Variants in GPR63 observed in about 807,000 individuals in gnomAD.
GPR63 encodes the protein G protein-coupled receptor 63.
Under a neutral mutation model 23.1 loss-of-function variants are expected in GPR63, and 12 were observed. That is an observed-to-expected ratio of 0.52 (90% CI 0.33 to 0.84). GPR63 has a LOEUF of 0.84. GPR63 is among the 40% of genes least tolerant of loss of function. The pLI, the probability that GPR63 is intolerant of heterozygous loss-of-function variation, is 0.02. For synonymous variants in GPR63, 172 were observed against 191.1 expected (o/e 0.90, Z 0.82); for missense variants, 472 against 515.6 (o/e 0.92, Z 0.82).
At chr6:96,811,375 A>G (rs1248205516) in intron 1 of GPR63, among the ~76,000 whole-genome samples, 1 of 152,210 alleles carries the variant, frequency 6.6e-6, no homozygotes, top group African/African-American at 2.4e-5. Flanking sequence ...GGCGTTACTC[A>G]AGGGTGTCTG....
intron 1 of GPR63, among the ~76,000 whole-genome samples, chr6:96,829,582 C>G (rs970268949): frequency 6.6e-6 from 1 of 152,068 alleles, no homozygotes; most frequent in Non-Finnish European, 1.5e-5. Flanking sequence ...CACCTGTAGT[C>G]CCAGTTATTC....
Position 96,798,629 on chromosome 6 carries a change from G to C in GPR63, c.1103C>G (p.Pro368Arg), listed in dbSNP as rs780246056. The C allele has an allele frequency of 2.5e-6, 4 of 1,614,190 alleles. 1 individual carries two copies. Among genetic ancestry groups the C allele is most frequent in the Non-Finnish European group, 3.4e-6 (4 of 1,180,034 alleles). ...CTTAATCCTCCAGTAGTAGATCAGC[G>C]GATTCAATGCAGACTTGAGGTAGCA... ...WLCYLKSALN[P>R]LIYYWRIKKF... The change falls in exon 2 of 2, where the codon CCG (proline) becomes CGG (arginine). Residue 368 changes from proline (P) to arginine (R), a missense_variant. Coordinates refer to ENST00000229955, the MANE Select transcript of GPR63 (RefSeq NM_030784.4).
intron 1 of GPR63, among the ~76,000 whole-genome samples, chr6:96,832,808 A>G (rs1269089678): frequency 1.3e-5 from 2 of 151,960 alleles, no homozygotes; most frequent in Non-Finnish European, 2.9e-5. Context: ...AAAAAAACAG[A>G]TTTGAAACCT....
Position 96,798,366 on chromosome 6 carries a change from C to A in GPR63, c.*106G>T, listed in dbSNP as rs1323883124. The A allele has an allele frequency of 1.8e-6, 2 of 1,126,500 alleles. No individual in the cohort carries two copies. The highest frequency in any genetic ancestry group is 1.6e-5 in the South Asian group (1 of 62,776). 69.8% of individuals were successfully genotyped at this position (1,126,500 alleles called of 1,614,324 possible). ...TTTCTTTACACTGCTCACACACATA[C>A]ATACACAAACCCTATAAAAAAAAAT... On this transcript the variant is annotated 3_prime_UTR_variant, in exon 2 of 2. Transcript: ENST00000229955.
chr6:96,811,555 C>A (rs968772564), intron 1 of GPR63, among the ~76,000 whole-genome samples: 1 of 152,170 alleles, frequency 6.6e-6, no homozygotes, highest in Admixed American at 6.5e-5. Context: ...TCTTAGCCAA[C>A]AAGAATTTCA....
At position 96,799,098 on chromosome 6, in the gene GPR63, G is replaced by A; in HGVS notation, c.634C>T (p.Pro212Ser). 1 of 1,614,144 alleles carries A rather than the reference G, an allele frequency of 6.2e-7. No homozygotes were observed. Among genetic ancestry groups the A allele is most frequent in the East Asian group, 2.2e-5 (1 of 44,890 alleles). ...SWATSFCVAFPLAVGNPDLQI... is the reference protein window; with the variant it reads ...SWATSFCVAFSLAVGNPDLQI... Reference sequence around the variant, plus strand: ...AGGTCGGGGTTTCCTACGGCTAAAGGAAAAGCTACACAAAAGGAAGTTGCC... The same window carrying A: ...AGGTCGGGGTTTCCTACGGCTAAAGAAAAAGCTACACAAAAGGAAGTTGCC... The change falls in exon 2 of 2, where the codon CCT (proline) becomes TCT (serine). Residue 212 changes from proline to serine, a missense_variant. Pro to Ser is a moderately conservative substitution (Grantham distance 74). Transcript: ENST00000229955.
intron 1 of GPR63, among the ~76,000 whole-genome samples, chr6:96,801,446 G>A (rs1340568907): frequency 1.3e-5 from 2 of 152,098 alleles, no homozygotes; most frequent in East Asian, 1.9e-4. Context: ...TGATCCACCC[G>A]CCTCAGCTTC....
rs185129489 is a variant in GPR63, at chr6:96,799,077, C to G, written c.655G>C (p.Asp219His). ...GGAGCTCGGGAAGGTATCTGCAGGTCGGGGTTTCCTACGGCTAAAGGAAAA... is the reference window on the plus strand; with the variant it reads ...GGAGCTCGGGAAGGTATCTGCAGGTGGGGGTTTCCTACGGCTAAAGGAAAA... Reference protein sequence around the residue: ...VAFPLAVGNPDLQIPSRAPQC... With the variant: ...VAFPLAVGNPHLQIPSRAPQC... Residue 219 changes from aspartate (D) to histidine (H), a missense_variant, in exon 2 of 2, where the codon GAC becomes CAC. Coordinates refer to ENST00000229955, the MANE Select transcript of GPR63 (RefSeq NM_030784.4). The G allele has an allele frequency of 3.1e-6, 5 of 1,613,934 alleles. No individual in the cohort carries two copies. The highest frequency in any genetic ancestry group is 1.6e-4 in the Middle Eastern group (1 of 6,084).
intron 1 of GPR63, among the ~76,000 whole-genome samples, chr6:96,824,037 C>T (rs1169916766): frequency 7.1e-6 from 1 of 141,038 alleles, no homozygotes; most frequent in Non-Finnish European, 1.6e-5. Flanking sequence ...CTCTCTAAAT[C>T]TCATGCTCTA....
At chr6:96,805,897 A>T (rs951557784) in intron 1 of GPR63, among the ~76,000 whole-genome samples, 2 of 152,218 alleles carry the variant, frequency 1.3e-5, no homozygotes, top group African/African-American at 4.8e-5. Flanking sequence ...GATTTTGAAG[A>T]GTGCAGATGC....
intron 1 of GPR63, among the ~76,000 whole-genome samples, chr6:96,831,839 G>C (rs1424564397): frequency 6.6e-6 from 1 of 151,980 alleles, no homozygotes; most frequent in Non-Finnish European, 1.5e-5. Flanking sequence ...CCGGGAGGCG[G>C]AGGTTGCTGT....
At chr6:96,810,636 A>T (rs981401680) in intron 1 of GPR63, among the ~76,000 whole-genome samples, 2 of 152,238 alleles carry the variant, frequency 1.3e-5, no homozygotes, top group Non-Finnish European at 2.9e-5. Flanking sequence ...AAAAAAAGAA[A>T]AAATTAACAT....
chr6:96,831,785 A>T (rs1367774309), intron 1 of GPR63, among the ~76,000 whole-genome samples: 1 of 152,028 alleles, frequency 6.6e-6, no homozygotes. Context: ...CGGCACCAGT[A>T]ATCCCAGGTA....
rs1279300120 is a variant in GPR63 at position 96,794,756 on chromosome 6, A to G, written c.*3716T>C. On this transcript the variant is annotated 3_prime_UTR_variant, in exon 2 of 2. Coordinates refer to ENST00000229955, the MANE Select transcript of GPR63 (RefSeq NM_030784.4). The stretch of plus-strand genomic sequence containing the variant: ...TATAAGAAAATAAAATATGAGCATA[A>G]TTAGACTGCTGAAAGTCATGACTTT... The G allele has an allele frequency of 6.6e-6, 1 of 152,212 alleles. No homozygotes were observed. The highest frequency in any genetic ancestry group is 1.5e-5 in the Non-Finnish European group (1 of 68,036). 9.4% of individuals were successfully genotyped at this position (152,212 alleles called of 1,614,324 possible). A position where few individuals can be genotyped will look rare whatever the true frequency, so the allele number is the denominator to read the frequency against.
At chr6:96,834,673 G>A (rs946443204) in intron 1 of GPR63, among the ~76,000 whole-genome samples, 4 of 151,610 alleles carry the variant, frequency 2.6e-5, no homozygotes, top group African/African-American at 7.3e-5. Flanking sequence ...AAAAAAAACC[G>A]CCTAACAGAT....
chr6:96,800,105 C>T lies in GPR63; in HGVS notation c.-150-224G>A, dbSNP rs141234460. On this transcript the variant is annotated intron_variant, in intron 1 of 1. Coordinates refer to ENST00000229955, the MANE Select transcript of GPR63 (RefSeq NM_030784.4). ...GACATTCATATATAAAGCAAAAGTG[C>T]GAGGAATCTCAAAATGTGTTACTGC... Among the ~76,000 whole-genome samples the T allele has an allele frequency of 8.5e-5, 13 of 152,196 alleles. No individual in the cohort carries two copies. In the South Asian group the frequency reaches 1.0e-3, roughly 12 times the overall value.
At chr6:96,832,902 T>C (rs966265539) in intron 1 of GPR63, among the ~76,000 whole-genome samples, 3 of 152,134 alleles carry the variant, frequency 2.0e-5, no homozygotes. Context: ...TGCAAATTTA[T>C]CCAATTTATA....
chr6:96,833,166 A>G (rs1422175065), intron 1 of GPR63, among the ~76,000 whole-genome samples: 3 of 152,154 alleles, frequency 2.0e-5, no homozygotes, highest in Non-Finnish European at 4.4e-5. Context: ...GATGAAAAGA[A>G]TGGATCTTAC....
chr6:96,809,918 A>G (rs1007650562), intron 1 of GPR63, among the ~76,000 whole-genome samples: 1 of 152,214 alleles, frequency 6.6e-6, no homozygotes, highest in Non-Finnish European at 1.5e-5. Flanking sequence ...ATTATAAACT[A>G]CAAAGTGCTA....
Sources: allele counts gnomAD v4.1 joint callset (sites outside exome capture counted in the v4.1 genomes callset), GRCh38; gene constraint gnomAD v4.1.1; transcripts MANE v1.5; gene names NCBI Gene and HGNC (gene_info 2026-07-23, HGNC 2026-07-21).